AMBRA1: variants seen among roughly 807,000 people sequenced by gnomAD.
The protein encoded by AMBRA1 is autophagy and beclin 1 regulator 1.
Under a neutral mutation model 125.4 loss-of-function variants are expected in AMBRA1, and 47 were observed. The observed-to-expected ratio is 0.37, with a 90% CI of 0.30 to 0.48. The LOEUF is 0.48. Among genes scored for constraint, AMBRA1 ranks in the 20% least tolerant of loss-of-function variants. AMBRA1 has a pLI of 0.99. For synonymous variants in AMBRA1, 626 were observed against 655.5 expected, an observed-to-expected ratio of 0.95 and a Z score of 0.69; for missense variants, 1,331 against 1,693.4, an observed-to-expected ratio of 0.79 and a Z score of 3.76.
intron 13 of AMBRA1, among the ~76,000 whole-genome samples, chr11:46,434,486 A>T (rs1947619047): frequency 6.7e-6 from 1 of 148,958 alleles, no homozygotes; most frequent in South Asian, 2.1e-4. Context: ...CCTTGTATGT[A>T]AATCTTTGTA....
At chr11:46,492,744 C>T (rs1950507898) in intron 11 of AMBRA1, among the ~76,000 whole-genome samples, 2 of 152,178 alleles carry the variant, frequency 1.3e-5, no homozygotes, top group Non-Finnish European at 2.9e-5. Flanking sequence ...TGTCACTAAG[C>T]TATTCAACCA....
At chr11:46,513,035 T>C (rs1256086767) in intron 7 of AMBRA1, among the ~76,000 whole-genome samples, 1 of 152,248 alleles carries the variant, frequency 6.6e-6, no homozygotes, top group Non-Finnish European at 1.5e-5. Context: ...TTCTGCTGAA[T>C]ACTGCTCTTC....
intron 7 of AMBRA1, among the ~76,000 whole-genome samples, chr11:46,534,798 C>T (rs964385138): frequency 2.0e-5 from 3 of 152,118 alleles, no homozygotes; most frequent in South Asian, 2.1e-4. Flanking sequence ...CTCAGCCCCA[C>T]GAGTAGCTGG....
intron 12 of AMBRA1, among the ~76,000 whole-genome samples, chr11:46,437,810 T>A (rs1452015993): frequency 6.6e-6 from 1 of 152,114 alleles, no homozygotes; most frequent in African/African-American, 2.4e-5. Flanking sequence ...AACAATAATA[T>A]AAGGTAGAGA....
intron 14 of AMBRA1, chr11:46,428,574 C>G: frequency 4.9e-6 from 5 of 1,022,634 alleles, no homozygotes; most frequent in Non-Finnish European, 5.7e-6. Flanking sequence ...ATCTTTTCCA[C>G]TTCTTCTTCT....
intron 11 of AMBRA1, among the ~76,000 whole-genome samples, chr11:46,475,325 C>T (rs1215875853): frequency 6.6e-5 from 10 of 152,174 alleles, no homozygotes; most frequent in Non-Finnish European, 4.4e-5. Flanking sequence ...CGTTTAAGAA[C>T]ATCAAAGCCA....
intron 8 of AMBRA1, among the ~76,000 whole-genome samples, chr11:46,512,230 T>C (rs766912210): frequency 4.4e-4 from 67 of 152,368 alleles, no homozygotes; most frequent in Non-Finnish European, 9.4e-4. Context: ...TACTCCTTCT[T>C]CGGTCGTCTC....
chr11:46,450,902 A>C (rs1948558976), intron 11 of AMBRA1, among the ~76,000 whole-genome samples: 1 of 152,252 alleles, frequency 6.6e-6, no homozygotes, highest in African/African-American at 2.4e-5. Context: ...ACGTTGGTTC[A>C]TCAGCTGCAG....
intron 1 of AMBRA1, among the ~76,000 whole-genome samples, chr11:46,579,045 T>TTAA (rs755297972): frequency 1.9e-4 from 13 of 68,040 alleles, no homozygotes; most frequent in Non-Finnish European, 3.6e-4. Context: ...AAGAAAGCAA[T>TTAA]AAAAAAAAAA....
intron 14 of AMBRA1, chr11:46,429,030 G>A: frequency 1.9e-6 from 3 of 1,611,688 alleles, no homozygotes; most frequent in Non-Finnish European, 1.7e-6. Context: ...TGAAGGTTGG[G>A]CACATTCTTG....
intron 7 of AMBRA1, chr11:46,530,753 T>C (rs1952176762): frequency 6.6e-6 from 1 of 152,230 alleles, no homozygotes; most frequent in Non-Finnish European, 1.5e-5. Flanking sequence ...CAAAACCAGC[T>C]ATGAATGGTT....
chr11:46,479,605 G>A (rs893343371), intron 11 of AMBRA1, among the ~76,000 whole-genome samples: 1 of 152,004 alleles, frequency 6.6e-6, no homozygotes, highest in Non-Finnish European at 1.5e-5. Context: ...GCTGAGGCAG[G>A]AGAATCACTT....
intron 14 of AMBRA1, chr11:46,428,587 T>G: frequency 8.2e-7 from 1 of 1,221,066 alleles, no homozygotes; most frequent in Non-Finnish European, 1.1e-6. Flanking sequence ...CTTCTTCTTC[T>G]TCTTCTTTTT....
intron 1 of AMBRA1, among the ~76,000 whole-genome samples, chr11:46,587,241 G>A (rs561700207): frequency 3.0e-4 from 45 of 152,026 alleles, no homozygotes; most frequent in African/African-American, 8.7e-4. Context: ...TTAGCCGGAC[G>A]TGGTGGCACA....
rs1952750196 is a variant in AMBRA1, at chr11:46,541,689, A to G, written c.2072+256T>C. On this transcript the variant is annotated intron_variant, in intron 7 of 17. Transcript: ENST00000683756. ...CTCATGCCTCTCTAACCTAATCTAC[A>G]CTCTCCTTTCAAGGCTAAAGCCAGA... Among the ~76,000 whole-genome samples the G allele has an allele frequency of 3.3e-5, 5 of 152,014 alleles. No individual in the cohort carries two copies. The South Asian group carries it at 1.0e-3, about 32-fold the overall frequency.
intron 17 of AMBRA1, among the ~76,000 whole-genome samples, chr11:46,401,848 AC>A (rs1945780306): frequency 6.6e-6 from 1 of 152,096 alleles, no homozygotes; most frequent in Admixed American, 6.5e-5. Context: ...TTAAGTCTGC[AC>A]CCTGTTCAAA....
At chr11:46,470,588 CAAAAAAAAA>C (rs766521795) in intron 11 of AMBRA1, among the ~76,000 whole-genome samples, 1 of 53,454 alleles carries the variant, frequency 1.9e-5, no homozygotes, top group Non-Finnish European at 3.7e-5. Context: ...GACTCCGTCT[CAAAAAAAAA>C]AAAAAAAAAA....
At chr11:46,522,202 G>GTGGGTAGTTATTTTTAATACA (rs773625928) in intron 7 of AMBRA1, among the ~76,000 whole-genome samples, 1 of 152,202 alleles carries the variant, frequency 6.6e-6, no homozygotes, top group African/African-American at 2.4e-5. Flanking sequence ...TAACTGTCTG[G>GTGGGTAGTTATTTTTAATACA]TGGGTAGTTA....
At chr11:46,435,175 A>C (rs1236626519) in intron 12 of AMBRA1, 138 bp from the exon 13 acceptor site, 1 of 768,956 alleles carries the variant, frequency 1.3e-6, no homozygotes, top group African/African-American at 1.8e-5. Flanking sequence ...TTCTCATTCA[A>C]ACTAAAATGT....
Sources: allele counts gnomAD v4.1 joint callset (sites outside exome capture counted in the v4.1 genomes callset), GRCh38; gene constraint gnomAD v4.1.1; transcripts MANE v1.5; gene names NCBI Gene and HGNC (gene_info 2026-07-23, HGNC 2026-07-21).